Variants in RIMS2 observed in about 807,000 individuals in gnomAD.
RIMS2 encodes the protein regulating synaptic membrane exocytosis 2.
In RIMS2, 59 loss-of-function variants were observed where a neutral mutation model predicts 174.4. That is an observed-to-expected ratio of 0.34 (90% CI 0.27 to 0.42). RIMS2 has a LOEUF of 0.42. Among genes scored for constraint, RIMS2 ranks in the 10% least tolerant of loss-of-function variants. The probability of loss-of-function intolerance (pLI) is 1.00; values close to 1 mark genes in which losing one functional copy is unlikely to be tolerated. For missense variants in RIMS2, 1,620 were observed against 1,666.3 expected, an observed-to-expected ratio of 0.97 and a Z score of 0.48; for synonymous variants, 606 against 572.5, an observed-to-expected ratio of 1.06 and a Z score of -0.84.
intron 19 of RIMS2, among the ~76,000 whole-genome samples, chr8:104,038,783 C>A (rs2096561031): frequency 6.6e-6 from 1 of 151,636 alleles, no homozygotes; most frequent in Non-Finnish European, 1.5e-5. Flanking sequence ...AAAACTATAA[C>A]CACAGGAAAT....
At chr8:103,903,815 T>C (rs2073777617) in intron 4 of RIMS2, among the ~76,000 whole-genome samples, 1 of 152,126 alleles carries the variant, frequency 6.6e-6, no homozygotes, top group Non-Finnish European at 1.5e-5. Flanking sequence ...TGACAGTCTA[T>C]GAAGGCAGCA....
At chr8:103,782,433 CGTGTGTGTGTGTGT>C (rs71297237) in intron 3 of RIMS2, among the ~76,000 whole-genome samples, 2 of 145,736 alleles carry the variant, frequency 1.4e-5, no homozygotes, top group Non-Finnish European at 3.0e-5. Context: ...ACATAAATCC[CGTGTGTGTGTGTGT>C]GTGTGTGTGT....
chr8:103,568,857 T>C, intron 1 of RIMS2: 1 of 1,158,638 alleles, frequency 8.6e-7, no homozygotes, highest in Non-Finnish European at 1.3e-6. Context: ...CTGGTCTTTG[T>C]TAATTGCTGT....
intron 4 of RIMS2, among the ~76,000 whole-genome samples, chr8:103,897,062 C>CT (rs1594760787): frequency 6.6e-6 from 1 of 151,692 alleles, no homozygotes; most frequent in African/African-American, 2.4e-5. Context: ...ATACATACAT[C>CT]TTTTTTTCCC....
intron 19 of RIMS2, among the ~76,000 whole-genome samples, chr8:104,058,692 A>C (rs564617019): frequency 3.9e-5 from 6 of 152,170 alleles, no homozygotes; most frequent in South Asian, 2.1e-4. Flanking sequence ...TAAGGTTTTT[A>C]TGGTTTTAGG....
intron 19 of RIMS2, among the ~76,000 whole-genome samples, chr8:104,170,423 G>A (rs1376541961): frequency 1.3e-5 from 2 of 151,924 alleles, no homozygotes; most frequent in South Asian, 2.1e-4. Flanking sequence ...TATATAACAT[G>A]GTTCTTGTCT....
At chr8:104,021,388 G>C (rs551360789) in intron 19 of RIMS2, among the ~76,000 whole-genome samples, 82 of 152,144 alleles carry the variant, frequency 5.4e-4, no homozygotes, top group African/African-American at 1.9e-3. Flanking sequence ...TTACATATTT[G>C]TCATTTTTAC....
At chr8:104,207,090 A>G (rs1396497350) in intron 19 of RIMS2, among the ~76,000 whole-genome samples, 1 of 152,190 alleles carries the variant, frequency 6.6e-6, no homozygotes, top group Admixed American at 6.5e-5. Context: ...TTAAAAAAAA[A>G]CAGGCTTCTT....
chr8:103,605,600 G>C (rs2095027926), intron 1 of RIMS2, among the ~76,000 whole-genome samples: 1 of 151,812 alleles, frequency 6.6e-6, no homozygotes, highest in African/African-American at 2.4e-5. Context: ...TGTACCTCTG[G>C]TAGAATTCAG....
intron 19 of RIMS2, among the ~76,000 whole-genome samples, chr8:104,230,279 CA>C (rs34786751): frequency 0.38 from 41,827 of 110,928 alleles, 6,383 homozygotes; most frequent in African/African-American, 0.46. Flanking sequence ...AACTACATCT[CA>C]AAAAAAAAAA....
At chr8:103,577,055 A>G (rs537513330) in intron 1 of RIMS2, among the ~76,000 whole-genome samples, 1 of 152,360 alleles carries the variant, frequency 6.6e-6, no homozygotes, top group Non-Finnish European at 1.5e-5. Flanking sequence ...CAATGGCAAC[A>G]AAAGCCAAAA....
At chr8:104,057,549 T>C (rs993492131) in intron 19 of RIMS2, among the ~76,000 whole-genome samples, 8 of 151,870 alleles carry the variant, frequency 5.3e-5, no homozygotes, top group Non-Finnish European at 1.5e-5. Context: ...TAGATATCAG[T>C]TTCTTCTTTT....
At chr8:103,927,795 C>T in intron 10 of RIMS2, 1 of 1,357,648 alleles carries the variant, frequency 7.4e-7, no homozygotes, top group East Asian at 2.3e-5. Context: ...GCGTGTTGTC[C>T]TTTTTGGTTT....
intron 19 of RIMS2, among the ~76,000 whole-genome samples, chr8:104,140,745 C>T (rs2098558622): frequency 6.6e-6 from 1 of 152,104 alleles, no homozygotes; most frequent in Non-Finnish European, 1.5e-5. Flanking sequence ...CAAGTAGATG[C>T]AAGGTAGATG....
chr8:103,833,308 G>T (rs1521060), intron 3 of RIMS2, among the ~76,000 whole-genome samples: 23,903 of 151,870 alleles, frequency 0.16, 1,984 homozygotes, highest in Middle Eastern at 0.24. Context: ...TATCTTCTGT[G>T]TATAATAGTC....
intron 19 of RIMS2, among the ~76,000 whole-genome samples, chr8:104,215,689 C>A (rs1246282547): frequency 1.3e-5 from 2 of 152,172 alleles, no homozygotes; most frequent in Non-Finnish European, 2.9e-5. Context: ...TGAGGATATT[C>A]TTCTAACATT....
intron 17 of RIMS2, among the ~76,000 whole-genome samples, chr8:103,991,792 A>G (rs1473599201): frequency 3.3e-5 from 5 of 152,156 alleles, no homozygotes; most frequent in Non-Finnish European, 7.4e-5. Context: ...TTTTGAATGC[A>G]GGATTTAACC....
chr8:104,047,173 C>A (rs11997756), intron 19 of RIMS2, among the ~76,000 whole-genome samples: 3,806 of 151,926 alleles, frequency 0.025, 137 homozygotes, highest in African/African-American at 0.084. Context: ...TTAAGTAAGT[C>A]ATTTAAAATG....
At chr8:103,849,414 A>G (rs1322671676) in intron 3 of RIMS2, among the ~76,000 whole-genome samples, 1 of 152,114 alleles carries the variant, frequency 6.6e-6, no homozygotes, top group Non-Finnish European at 1.5e-5. Context: ...TGGAAGCAAG[A>G]TAGGAATGAG....
Sources: allele counts gnomAD v4.1 joint callset (sites outside exome capture counted in the v4.1 genomes callset), GRCh38; gene constraint gnomAD v4.1.1; transcripts MANE v1.5; gene names NCBI Gene and HGNC (gene_info 2026-07-23, HGNC 2026-07-21).